Variants in SLCO5A1 observed in about 807,000 individuals in gnomAD.
SLCO5A1 encodes solute carrier organic anion transporter family member 5A1.
SLCO5A1 carries 39 observed loss-of-function variants against 65.1 expected under a neutral mutation model. The observed-to-expected ratio is 0.60, with a 90% CI of 0.46 to 0.78. The LOEUF (loss-of-function observed/expected upper bound fraction) is 0.78. SLCO5A1 is among the 30% of genes least tolerant of loss of function. The probability of loss-of-function intolerance (pLI) is 0.00; values close to 1 mark genes in which losing one functional copy is unlikely to be tolerated. For synonymous variants in SLCO5A1, 438 were observed against 415.7 expected (o/e 1.05, Z -0.65); for missense variants, 1,029 against 1,069.4 (o/e 0.96, Z 0.53).
intron 2 of SLCO5A1, among the ~76,000 whole-genome samples, chr8:69,803,334 T>C (rs972399790): frequency 6.6e-6 from 1 of 152,156 alleles, no homozygotes; most frequent in Non-Finnish European, 1.5e-5. Flanking sequence ...GGAGAATCAC[T>C]TGAACCTGGG....
intron 2 of SLCO5A1, among the ~76,000 whole-genome samples, chr8:69,815,850 TG>T (rs972605088): frequency 1.3e-5 from 2 of 152,170 alleles, no homozygotes; most frequent in Non-Finnish European, 2.9e-5. Context: ...AATAATCCAC[TG>T]GAGCACACCA....
chr8:69,777,165 G>A (rs1260309949), intron 2 of SLCO5A1, among the ~76,000 whole-genome samples: 1 of 152,180 alleles, frequency 6.6e-6, no homozygotes, highest in Non-Finnish European at 1.5e-5. Context: ...ATCTAGAGAT[G>A]AAGAGATAAA....
At chr8:69,763,866 T>A (rs1817923886) in intron 2 of SLCO5A1, among the ~76,000 whole-genome samples, 1 of 151,896 alleles carries the variant, frequency 6.6e-6, no homozygotes, top group Non-Finnish European at 1.5e-5. Flanking sequence ...TTGGGACAAA[T>A]CAATAAACAC....
chr8:69,784,950 G>GAAAGAAAGA, intron 2 of SLCO5A1, among the ~76,000 whole-genome samples: 1 of 121,100 alleles, frequency 8.3e-6, no homozygotes, highest in South Asian at 2.6e-4. Flanking sequence ...AAGAAAGAAA[G>GAAAGAAAGA]AAGAAAGGAA....
At chr8:69,783,853 C>A (rs538556825) in intron 2 of SLCO5A1, among the ~76,000 whole-genome samples, 1 of 152,172 alleles carries the variant, frequency 6.6e-6, no homozygotes, top group Non-Finnish European at 1.5e-5. Context: ...TTTGTACAAG[C>A]CCATAAGATG....
Position 69,781,619 on chromosome 8 carries a change from T to A in SLCO5A1, c.908-19744A>T, listed in dbSNP as rs547318554. 6.7e-4 allele frequency among the ~76,000 whole-genome samples: 102 copies of A among 152,290 alleles called. 1 individual carries two copies. Among genetic ancestry groups the A allele is most frequent in the South Asian group, 4.1e-3 (20 of 4,832 alleles). On this transcript the variant is annotated intron_variant, in intron 2 of 9. Coordinates refer to ENST00000260126, the MANE Select transcript of SLCO5A1 (RefSeq NM_030958.3). Reference sequence around the variant, plus strand: ...CTTCACTTCAACCTTATGTAGTAGATACTATTATTATCCTTTTTTGTTTTT... The same window carrying A: ...CTTCACTTCAACCTTATGTAGTAGAAACTATTATTATCCTTTTTTGTTTTT...
chr8:69,749,000 A>G (rs1009170906), intron 4 of SLCO5A1, among the ~76,000 whole-genome samples: 1 of 152,168 alleles, frequency 6.6e-6, no homozygotes, highest in Non-Finnish European at 1.5e-5. Context: ...TTTCAATAAA[A>G]CTGCAAACAC....
At chr8:69,696,547 C>A (rs1186546198) in intron 6 of SLCO5A1, among the ~76,000 whole-genome samples, 1 of 152,158 alleles carries the variant, frequency 6.6e-6, no homozygotes, top group Admixed American at 6.5e-5. Context: ...CCCAGAAATT[C>A]ATCAGGAAGT....
Position 69,811,529 on chromosome 8 carries a change from G to GC in SLCO5A1, c.907+20237dup, listed in dbSNP as rs1204420822. On this transcript the variant is annotated intron_variant, in intron 2 of 9. Coordinates refer to ENST00000260126, the MANE Select transcript of SLCO5A1 (RefSeq NM_030958.3). Reference sequence around the variant, plus strand: ...GCCAAGAACACTCTGGTGTAATGAAGCCCACATTTCTTATGCCTCTTGGCT... The same window carrying GC: ...GCCAAGAACACTCTGGTGTAATGAAGCCCCACATTTCTTATGCCTCTTGGCT... Among the ~76,000 whole-genome samples, 3 of 152,190 alleles carry GC rather than the reference G, an allele frequency of 2.0e-5. No individual in the cohort carries two copies. In the East Asian group the frequency reaches 5.8e-4, roughly 29 times the overall value.
At chr8:69,789,847 C>T (rs1355843292) in intron 2 of SLCO5A1, among the ~76,000 whole-genome samples, 1 of 151,958 alleles carries the variant, frequency 6.6e-6, no homozygotes, top group African/African-American at 2.4e-5. Flanking sequence ...GACAGTACAA[C>T]AGAGTGACTA....
Position 69,833,039 on chromosome 8 carries a change from G to A in SLCO5A1, c.-366C>T. 3.5e-6 allele frequency: 1 copy of A among 282,308 alleles called. No homozygotes were observed. Among genetic ancestry groups the A allele is most frequent in the Non-Finnish European group, 6.4e-6 (1 of 157,034 alleles). The allele number at this position is 282,308 out of a possible 1,614,324, so 17.5% of individuals were successfully genotyped here. A position where few individuals can be genotyped will look rare whatever the true frequency, so the allele number is the denominator to read the frequency against. On this transcript the variant is annotated 5_prime_UTR_variant, in exon 2 of 10. Coordinates refer to ENST00000260126, the MANE Select transcript of SLCO5A1 (RefSeq NM_030958.3). Reference sequence around the variant, plus strand: ...CGCCGCTGGGCCCGCGGCCAGGAGCGAGTGCACCCTGCGCCGGGGGTGGGG... The same window carrying A: ...CGCCGCTGGGCCCGCGGCCAGGAGCAAGTGCACCCTGCGCCGGGGGTGGGG...
chr8:69,703,616 G>A (rs1814844462), intron 6 of SLCO5A1, among the ~76,000 whole-genome samples: 1 of 152,334 alleles, frequency 6.6e-6, no homozygotes, highest in African/African-American at 2.4e-5. Context: ...GGAATGCTAT[G>A]CAGTGGTTAA....
Position 69,831,928 on chromosome 8 carries a change from G to A in SLCO5A1, c.746C>T (p.Pro249Leu). 1 of 1,602,098 alleles carries A rather than the reference G, an allele frequency of 6.2e-7. No homozygotes were observed. The highest frequency in any genetic ancestry group is 1.7e-4 in the Middle Eastern group (1 of 5,980). The change falls in exon 2 of 10, where the codon CCG becomes CTG. Residue 249 changes from proline to leucine, a missense_variant. Pro to Leu is a moderately conservative substitution (Grantham distance 98). Coordinates refer to ENST00000260126, the MANE Select transcript of SLCO5A1 (RefSeq NM_030958.3). ...GGNSTATLEP[P>L]ACPKDSGGNN... ...TCCTCCCGAGTCCTTCGGACAGGCC[G>A]GAGGCTCCAAAGTGGCGGTGGAGTT...
At chr8:69,696,200 G>A (rs928909092) in intron 6 of SLCO5A1, among the ~76,000 whole-genome samples, 1 of 152,204 alleles carries the variant, frequency 6.6e-6, no homozygotes, top group African/African-American at 2.4e-5. Context: ...AAGCAGGTAA[G>A]ACGTGGACTG....
chr8:69,757,284 A>G (rs146720922), intron 3 of SLCO5A1, among the ~76,000 whole-genome samples: 180 of 152,302 alleles, frequency 1.2e-3, no homozygotes, highest in African/African-American at 4.1e-3. Context: ...GAATGTAATC[A>G]CCAGCCCAGT....
At chr8:69,784,946 GAAAGAAGA>G (rs1818989431) in intron 2 of SLCO5A1, among the ~76,000 whole-genome samples, 2 of 122,650 alleles carry the variant, frequency 1.6e-5, no homozygotes, top group Non-Finnish European at 3.5e-5. Flanking sequence ...AAGAAAGAAA[GAAAGAAGA>G]AAGGAAGGAA....
At chr8:69,762,621 A>G (rs558175667) in intron 2 of SLCO5A1, among the ~76,000 whole-genome samples, 26 of 151,422 alleles carry the variant, frequency 1.7e-4, no homozygotes, top group East Asian at 7.8e-4. Flanking sequence ...TAAGATAAGG[A>G]AAAAAAAAGG....
chr8:69,691,724 G>A (rs1010818206), intron 6 of SLCO5A1, among the ~76,000 whole-genome samples: 1 of 152,092 alleles, frequency 6.6e-6, no homozygotes, highest in African/African-American at 2.4e-5. Flanking sequence ...TTAATGACAG[G>A]GACACATTCT....
chr8:69,739,433 A>G (rs1000065818), intron 4 of SLCO5A1, among the ~76,000 whole-genome samples: 2 of 152,168 alleles, frequency 1.3e-5, no homozygotes, highest in Non-Finnish European at 2.9e-5. Context: ...TGTTCTCTGA[A>G]TTAATGTACA....
Sources: allele counts gnomAD v4.1 joint callset (sites outside exome capture counted in the v4.1 genomes callset), GRCh38; gene constraint gnomAD v4.1.1; transcripts MANE v1.5; gene names NCBI Gene and HGNC (gene_info 2026-07-23, HGNC 2026-07-21).